AUTS2: variants seen among roughly 807,000 people sequenced by gnomAD.
AUTS2 encodes the protein autism susceptibility gene 2 protein.
Under a neutral mutation model 112.4 loss-of-function variants are expected in AUTS2, and 17 were observed. The observed-to-expected ratio is 0.15, with a 90% CI of 0.10 to 0.23. The LOEUF (loss-of-function observed/expected upper bound fraction) is 0.23. Ranked by LOEUF, AUTS2 falls within the 10% of genes least tolerant of loss-of-function variation. The pLI, the probability that AUTS2 is intolerant of heterozygous loss-of-function variation, is 1.00. For synonymous variants in AUTS2, 751 were observed against 702.7 expected, an observed-to-expected ratio of 1.07 and a Z score of -1.09; for missense variants, 1,510 against 1,701.6, an observed-to-expected ratio of 0.89 and a Z score of 1.98.
At chr7:70,122,738 C>T (rs1464540081) in intron 3 of AUTS2, among the ~76,000 whole-genome samples, 3 of 151,970 alleles carry the variant, frequency 2.0e-5, no homozygotes, top group African/African-American at 7.3e-5. Context: ...AAAAATGACC[C>T]AAAACGTGGA....
At chr7:70,188,848 A>G (rs1809739484) in intron 4 of AUTS2, among the ~76,000 whole-genome samples, 1 of 151,458 alleles carries the variant, frequency 6.6e-6, no homozygotes, top group Non-Finnish European at 1.5e-5. Flanking sequence ...TGGCCTCCCA[A>G]AGTGCTGAGA....
intron 5 of AUTS2, among the ~76,000 whole-genome samples, chr7:70,573,053 C>T (rs1331894512): frequency 2.6e-5 from 4 of 151,940 alleles, no homozygotes; most frequent in Admixed American, 1.3e-4. Context: ...TCGGAGAGAA[C>T]GGAGTTAATG....
intron 4 of AUTS2, among the ~76,000 whole-genome samples, chr7:70,429,099 G>A (rs925417555): frequency 6.6e-6 from 1 of 152,166 alleles, no homozygotes; most frequent in East Asian, 1.9e-4. Flanking sequence ...ACATCTCTTT[G>A]CGTTAAGCAG....
intron 5 of AUTS2, among the ~76,000 whole-genome samples, chr7:70,503,097 C>T (rs1026901975): frequency 6.6e-6 from 1 of 152,054 alleles, no homozygotes; most frequent in Non-Finnish European, 1.5e-5. Flanking sequence ...CCAGGGGAAA[C>T]GAGGTAGCAG....
chr7:70,604,093 A>G (rs1047841392), intron 5 of AUTS2, among the ~76,000 whole-genome samples: 20 of 152,216 alleles, frequency 1.3e-4, no homozygotes, highest in Non-Finnish European at 2.2e-4. Flanking sequence ...AAACCACTCA[A>G]TAAATATCGA....
intron 5 of AUTS2, among the ~76,000 whole-genome samples, chr7:70,471,189 C>T (rs548120345): frequency 7.2e-5 from 11 of 152,194 alleles, no homozygotes; most frequent in Non-Finnish European, 1.3e-4. Flanking sequence ...AGTCCCTTGT[C>T]GGATATACTG....
chr7:70,400,696 A>T (rs1211837606), intron 4 of AUTS2, among the ~76,000 whole-genome samples: 1 of 152,092 alleles, frequency 6.6e-6, no homozygotes. Flanking sequence ...AGAGTCACTG[A>T]AACTTTTCTT....
At chr7:69,655,277 A>G (rs1029273652) in intron 1 of AUTS2, among the ~76,000 whole-genome samples, 4 of 152,226 alleles carry the variant, frequency 2.6e-5, no homozygotes, top group Non-Finnish European at 4.4e-5. Context: ...CAAACACTTC[A>G]GGATTTTGGC....
chr7:70,625,937 G>A (rs1470670090), intron 5 of AUTS2, among the ~76,000 whole-genome samples: 1 of 151,570 alleles, frequency 6.6e-6, no homozygotes, highest in Non-Finnish European at 1.5e-5. Context: ...TTTTGAGATG[G>A]AATCTTGCTC....
chr7:69,700,725 G>A (rs1007720394), intron 1 of AUTS2, among the ~76,000 whole-genome samples: 1 of 152,196 alleles, frequency 6.6e-6, no homozygotes, highest in African/African-American at 2.4e-5. Context: ...TATTTCTTGA[G>A]ATTTACTTCC....
At chr7:70,600,693 C>T (rs572612714) in intron 5 of AUTS2, among the ~76,000 whole-genome samples, 2 of 152,366 alleles carry the variant, frequency 1.3e-5, no homozygotes, top group East Asian at 1.9e-4. Context: ...AGCAATCACT[C>T]TCTGCACCCC....
chr7:70,333,962 TAAAA>T (rs946426308), intron 4 of AUTS2, among the ~76,000 whole-genome samples: 4 of 152,056 alleles, frequency 2.6e-5, no homozygotes, highest in Admixed American at 2.6e-4. Flanking sequence ...GTAATAATAA[TAAAA>T]AAAGAAATAC....
chr7:70,574,127 G>A (rs1802062488), intron 5 of AUTS2, among the ~76,000 whole-genome samples: 1 of 152,054 alleles, frequency 6.6e-6, no homozygotes, highest in African/African-American at 2.4e-5. Context: ...ATAGCAGTTG[G>A]GGAATTACCA....
intron 3 of AUTS2, among the ~76,000 whole-genome samples, chr7:70,124,561 CTT>C (rs770621547): frequency 1.4e-5 from 2 of 144,338 alleles, no homozygotes; most frequent in Admixed American, 1.4e-4. Context: ...CAGCTTCAAT[CTT>C]TTTTTTTTTT....
In AUTS2 at chr7:69,802,475, G is replaced by A. The variant is rs181091626; in HGVS notation, c.310-96811G>A. ...CGGAAGGGCTTTTCTGTCTACTTCT[G>A]TCTCCTTGATGGCTTCCTTATCTGT... On this transcript the variant is annotated intron_variant, in intron 1 of 18. Transcript: ENST00000342771. Among the ~76,000 whole-genome samples the A allele has an allele frequency of 3.3e-3, 507 of 152,254 alleles. 1 individual carries two copies. Among genetic ancestry groups the A allele is most frequent in the Non-Finnish European group, 5.1e-3 (350 of 68,010 alleles).
In AUTS2 at chr7:70,404,587, C is replaced by T. The variant is rs147596421; in HGVS notation, c.661-31165C>T. 9.2e-5 allele frequency among the ~76,000 whole-genome samples: 14 copies of T among 152,232 alleles called. No individual in the cohort carries two copies. In the East Asian group the frequency reaches 1.7e-3, roughly 19 times the overall value. ...TGTGTGGCTCAGGCATAGAGAGCAGCGGTTATTTGGACACCTGGAGTTACT... is the reference window on the plus strand; with the variant it reads ...TGTGTGGCTCAGGCATAGAGAGCAGTGGTTATTTGGACACCTGGAGTTACT... On this transcript the variant is annotated intron_variant, in intron 4 of 18. Transcript: ENST00000342771.
chr7:70,572,012 A>G (rs1801963191), intron 5 of AUTS2, among the ~76,000 whole-genome samples: 1 of 152,254 alleles, frequency 6.6e-6, no homozygotes, highest in African/African-American at 2.4e-5. Context: ...ATATGAGAGG[A>G]ACATCTGCAG....
intron 1 of AUTS2, among the ~76,000 whole-genome samples, chr7:69,638,946 A>G (rs1794677251): frequency 6.6e-6 from 1 of 152,206 alleles, no homozygotes. Context: ...TTTGTTTGGA[A>G]CTTTTCAATT....
chr7:70,790,078 C>T lies in AUTS2; in HGVS notation c.2862C>T (p.Pro954=), dbSNP rs746278968. 7.4e-5 allele frequency: 117 copies of T among 1,577,784 alleles called. No homozygotes were observed. Among genetic ancestry groups the T allele is most frequent in the Non-Finnish European group, 2.5e-5 (29 of 1,164,030 alleles). The change falls in exon 19 of 19, where the codon CCC becomes CCT. Residue 954 remains proline, a synonymous_variant. Coordinates refer to ENST00000342771, the MANE Select transcript of AUTS2 (RefSeq NM_015570.4). This position sits in a 1 kb window ranked among gnomAD's most constrained non-coding sequence, Gnocchi z 7.6. ...CCCCGGTGGTGGAGAGTGCCAGGCC[C>T]AACAGCACCTCGAGCCGGGAGGCCG... ...VRTPVVESAR[P]NSTSSREAEP...
Sources: allele counts gnomAD v4.1 joint callset (sites outside exome capture counted in the v4.1 genomes callset), GRCh38; gene constraint gnomAD v4.1.1; non-coding constraint Gnocchi (gnomAD v3.1); transcripts MANE v1.5; gene names NCBI Gene and HGNC (gene_info 2026-07-23, HGNC 2026-07-21).